Variants in LYPLAL1 observed in about 807,000 individuals in gnomAD.
The protein encoded by LYPLAL1 is lysophospholipase like 1, also known as lysophospholipase-like protein 1.
In LYPLAL1, 23 loss-of-function variants were observed where a neutral mutation model predicts 19.7. The ratio of observed to expected loss-of-function variants is 1.17; its 90% CI spans 0.84 to 1.65. LYPLAL1 has a LOEUF of 1.65. Among genes scored for constraint, LYPLAL1 ranks in the 40% most tolerant of loss-of-function variants. LYPLAL1 has a pLI of 0.00. For missense variants in LYPLAL1, 355 were observed against 279.4 expected (o/e 1.27, Z -1.93); for synonymous variants, 119 against 96.3 (o/e 1.24, Z -1.38).
chr1:219,185,229 T>G (rs1656631535), intron 2 of LYPLAL1, among the ~76,000 whole-genome samples: 1 of 151,978 alleles, frequency 6.6e-6, no homozygotes, highest in South Asian at 2.1e-4. Flanking sequence ...TTTTATGATT[T>G]GTTGTTGATA....
chr1:219,395,405 G>T, the LYPLAL1 span, among the ~76,000 whole-genome samples: 1 of 152,016 alleles, frequency 6.6e-6, no homozygotes, highest in Non-Finnish European at 1.5e-5. Flanking sequence ...TCATATGCTT[G>T]TTGGCTACAT....
the LYPLAL1 span, among the ~76,000 whole-genome samples, chr1:219,262,623 A>T: frequency 6.6e-6 from 1 of 152,190 alleles, no homozygotes; most frequent in Non-Finnish European, 1.5e-5. Flanking sequence ...CTAGCCACCC[A>T]GTGGGGCTAC....
chr1:219,325,118 CATG>C, the LYPLAL1 span, among the ~76,000 whole-genome samples: 1 of 152,152 alleles, frequency 6.6e-6, no homozygotes, highest in African/African-American at 2.4e-5. Flanking sequence ...CTCAAGAATC[CATG>C]ATAACACTTG....
chr1:219,234,419 T>G, the LYPLAL1 span, among the ~76,000 whole-genome samples: 1 of 152,148 alleles, frequency 6.6e-6, no homozygotes, highest in Non-Finnish European at 1.5e-5. Flanking sequence ...GATAACTTCC[T>G]TAAGTAATAG....
chr1:219,267,531 G>A, the LYPLAL1 span, among the ~76,000 whole-genome samples: 1 of 152,096 alleles, frequency 6.6e-6, no homozygotes, highest in Non-Finnish European at 1.5e-5. Flanking sequence ...AACTACGTCT[G>A]GGAAAACTAG....
the LYPLAL1 span, among the ~76,000 whole-genome samples, chr1:219,299,875 G>GCA: frequency 2.0e-5 from 3 of 152,038 alleles, no homozygotes; most frequent in East Asian, 5.8e-4. Context: ...ACATATATAT[G>GCA]CACACACACA....
the LYPLAL1 span, among the ~76,000 whole-genome samples, chr1:219,400,517 A>G: frequency 6.8e-6 from 1 of 147,128 alleles, no homozygotes; most frequent in African/African-American, 2.5e-5. Context: ...TTTTTTTGAG[A>G]CAGAGTCTTG....
chr1:219,399,918 C>T, the LYPLAL1 span, among the ~76,000 whole-genome samples: 7 of 152,170 alleles, frequency 4.6e-5, no homozygotes, highest in Admixed American at 2.0e-4. Flanking sequence ...ACACCAAACC[C>T]GCTGGTCTCT....
chr1:219,443,675 CA>C, the LYPLAL1 span, among the ~76,000 whole-genome samples: 34 of 146,124 alleles, frequency 2.3e-4, no homozygotes, highest in South Asian at 8.6e-4. Flanking sequence ...ATTTTGGTCA[CA>C]AAAAAAAAAA....
At chr1:219,331,428 C>T in the LYPLAL1 span, among the ~76,000 whole-genome samples, 3 of 152,130 alleles carry the variant, frequency 2.0e-5, no homozygotes, top group East Asian at 1.9e-4. Context: ...AGCAATGCTC[C>T]GTTTTTGTGT....
At chr1:219,304,704 A>T in the LYPLAL1 span, among the ~76,000 whole-genome samples, 1 of 152,206 alleles carries the variant, frequency 6.6e-6, no homozygotes, top group Non-Finnish European at 1.5e-5. Context: ...CCAAGGAGTG[A>T]TCACTAAATG....
chr1:219,371,210 C>G, the LYPLAL1 span, among the ~76,000 whole-genome samples: 1 of 152,174 alleles, frequency 6.6e-6, no homozygotes, highest in Admixed American at 6.5e-5. Context: ...CTTGGAGTCA[C>G]CACTCAAAGG....
At chr1:219,411,707 G>A in the LYPLAL1 span, 1 of 155,356 alleles carries the variant, frequency 6.4e-6, no homozygotes, top group African/African-American at 2.4e-5. Flanking sequence ...TTTACGAGCT[G>A]TAACACTCAC....
At chr1:219,221,721 G>T in the LYPLAL1 span, among the ~76,000 whole-genome samples, 1 of 152,166 alleles carries the variant, frequency 6.6e-6, no homozygotes, top group Non-Finnish European at 1.5e-5. Context: ...TCACGGAGAT[G>T]TGTAACTCAA....
chr1:219,215,547 A>G (rs566020817), downstream of LYPLAL1, among the ~76,000 whole-genome samples: 34 of 152,188 alleles, frequency 2.2e-4, no homozygotes, highest in African/African-American at 7.7e-4. Flanking sequence ...TAGTCTGCTT[A>G]ATACTCAAGA....
intron 3 of LYPLAL1, among the ~76,000 whole-genome samples, chr1:219,194,953 C>CT (rs1657488033): frequency 6.6e-6 from 1 of 151,968 alleles, no homozygotes; most frequent in Non-Finnish European, 1.5e-5. Context: ...AAGTTTGTGT[C>CT]TAACTAAAAA....
chr1:219,229,310 AG>A, the LYPLAL1 span, among the ~76,000 whole-genome samples: 3 of 140,072 alleles, frequency 2.1e-5, no homozygotes, highest in African/African-American at 5.9e-5. Context: ...AGAGAGAGAG[AG>A]AGAGAGAGAG....
chr1:219,200,754 T>A (rs1362926905), intron 3 of LYPLAL1, among the ~76,000 whole-genome samples: 1 of 152,212 alleles, frequency 6.6e-6, no homozygotes, highest in Non-Finnish European at 1.5e-5. Context: ...ATAAAGTTTA[T>A]CACTTGATTA....
At chr1:219,288,688 G>A in the LYPLAL1 span, among the ~76,000 whole-genome samples, 19 of 152,252 alleles carry the variant, frequency 1.2e-4, no homozygotes, top group Admixed American at 6.5e-5. Flanking sequence ...TCGTTTCATC[G>A]ACTGTAACAA....
Sources: allele counts gnomAD v4.1 joint callset (sites outside exome capture counted in the v4.1 genomes callset), GRCh38; gene constraint gnomAD v4.1.1; transcripts MANE v1.5; gene names NCBI Gene and HGNC (gene_info 2026-07-23, HGNC 2026-07-21).